The following ANAPC5 variants were observed in gnomAD, a reference collection of about 807,000 sequenced individuals.
The protein encoded by ANAPC5 is anaphase promoting complex subunit 5, also known as anaphase-promoting complex subunit 5.
In ANAPC5, 60 loss-of-function variants were observed where a neutral mutation model predicts 91.3. The observed-to-expected ratio is 0.66, with a 90% CI of 0.53 to 0.81. ANAPC5 has a LOEUF of 0.81. ANAPC5 is among the 40% of genes least tolerant of loss of function. The pLI is 0.00. For missense variants in ANAPC5, 690 were observed against 931.5 expected, an observed-to-expected ratio of 0.74 and a Z score of 3.37; for synonymous variants, 340 against 364.1, an observed-to-expected ratio of 0.93 and a Z score of 0.75.
In ANAPC5 at chr12:121,347,199, C is replaced by T; in HGVS notation, c.288-194G>A. 5.8e-6 allele frequency: 3 copies of T among 514,958 alleles called. No homozygotes were observed. In the South Asian group the frequency reaches 8.4e-5, roughly 14 times the overall value. 31.9% of individuals were successfully genotyped at this position (514,958 alleles called of 1,614,324 possible). A position where few individuals can be genotyped will look rare whatever the true frequency, so the allele number is the denominator to read the frequency against. On this transcript the variant is annotated intron_variant, in intron 2 of 16. Transcript: ENST00000261819. ...TTCTGAAAAGTATCATTGTTGTTTT[C>T]TTGATCATAAAATTTGTCAAACTAT...
chr12:121,339,369 AC>A (rs1555273837), intron 5 of ANAPC5, among the ~76,000 whole-genome samples: 1 of 152,020 alleles, frequency 6.6e-6, no homozygotes, highest in Non-Finnish European at 1.5e-5. Context: ...TGATTTCTAA[AC>A]CAAAACCAAA....
chr12:121,313,678 A>G (rs1902254347), intron 15 of ANAPC5, among the ~76,000 whole-genome samples: 1 of 152,216 alleles, frequency 6.6e-6, no homozygotes, highest in African/African-American at 2.4e-5. Flanking sequence ...TAGAAAGACC[A>G]AACTACTAAA....
At chr12:121,318,142 A>T (rs1902444901) in intron 15 of ANAPC5, 135 bp downstream of exon 15, 5 of 1,118,384 alleles carry the variant, frequency 4.5e-6, no homozygotes, top group Non-Finnish European at 4.7e-6. Context: ...GAGGGCTTGC[A>T]CAGGAAGACT....
chr12:121,318,879 G>T (rs1902479003), intron 13 of ANAPC5, among the ~76,000 whole-genome samples: 1 of 152,210 alleles, frequency 6.6e-6, no homozygotes, highest in Non-Finnish European at 1.5e-5. Context: ...AATTAGCTGG[G>T]CGTAGTGGTG....
upstream of ANAPC5, chr12:121,352,426 G>C (rs1593613353): frequency 1.8e-6 from 2 of 1,090,524 alleles, no homozygotes; most frequent in East Asian, 4.9e-5. Context: ...CTACATCTCC[G>C]CCCGCCCTCA....
At chr12:121,351,837 T>A (rs1184100555) in intron 1 of ANAPC5, among the ~76,000 whole-genome samples, 2 of 151,918 alleles carry the variant, frequency 1.3e-5, no homozygotes, top group African/African-American at 2.4e-5. Flanking sequence ...TCTCCAACGC[T>A]CTATTGTATA....
Position 121,327,171 on chromosome 12 carries a change from A to G in ANAPC5, c.1365T>C (p.Asn455=). 1.2e-6 allele frequency: 2 copies of G among 1,613,528 alleles called. No individual in the cohort carries two copies. The highest frequency in any genetic ancestry group is 1.7e-6 in the Non-Finnish European group (2 of 1,179,968). ...LLSMNSLEAV[N]AGVQQNNTES... is the part of the protein sequence containing the mutation. ...CTGTGTTGTTCTGCTGCACGCCCGC[A>G]TTCACCGCCTCCAGGCTGTTCATGC... Residue 455 remains asparagine (N), a synonymous_variant, in exon 11 of 17, where the codon AAT becomes AAC. Transcript: ENST00000261819.
At chr12:121,325,097 G>A (rs1447021174) in intron 11 of ANAPC5, among the ~76,000 whole-genome samples, 1 of 152,184 alleles carries the variant, frequency 6.6e-6, no homozygotes, top group Non-Finnish European at 1.5e-5. Flanking sequence ...CCAGAAGGTT[G>A]AGGCTGCAGT....
upstream of ANAPC5, among the ~76,000 whole-genome samples, chr12:121,352,939 TA>T (rs371062195): frequency 1.4e-4 from 21 of 152,314 alleles, no homozygotes; most frequent in East Asian, 2.9e-3. Flanking sequence ...ATAGAATGTT[TA>T]AATGATTGTG....
chr12:121,317,797 A>C (rs1025922370), intron 15 of ANAPC5: 3 of 152,424 alleles, frequency 2.0e-5, no homozygotes, highest in Non-Finnish European at 2.9e-5. Context: ...ATTTATTGAA[A>C]GCCTTCTATG....
chr12:121,320,736 G>A (rs1158452316), intron 11 of ANAPC5: 2 of 229,786 alleles, frequency 8.7e-6, no homozygotes, highest in African/African-American at 2.3e-5. Context: ...CTGAGTAGCT[G>A]GGACCACAGG....
intron 1 of ANAPC5, chr12:121,351,172 G>T: frequency 2.5e-6 from 1 of 407,784 alleles, no homozygotes. Context: ...GGAGTTCCCG[G>T]CCAGCCTGGG....
Position 121,327,116 on chromosome 12 carries a change from C to A in ANAPC5, c.1420G>T (p.Ala474Ser). Residue 474 changes from alanine (A) to serine (S), a missense_variant, in exon 11 of 17, where the codon GCA (alanine) becomes TCA (serine). Coordinates refer to ENST00000261819, the MANE Select transcript of ANAPC5 (RefSeq NM_016237.5). ...CCTACCTGCTCCGCGTGTAGCTCTG[C>A]GAGGTGGCAGAGTGCGACAGCAAAG... ...ESFAVALCHL[A>S]ELHAEQGCFA... 1 of 1,608,578 alleles carries A rather than the reference C, an allele frequency of 6.2e-7. No homozygotes were observed. The highest frequency in any genetic ancestry group is 1.1e-5 in the South Asian group (1 of 90,838).
intron 15 of ANAPC5, among the ~76,000 whole-genome samples, chr12:121,316,588 C>G (rs1017108460): frequency 6.6e-6 from 1 of 151,842 alleles, no homozygotes; most frequent in African/African-American, 2.4e-5. Flanking sequence ...AAAAAAATAG[C>G]TGGGCGTGGT....
chr12:121,349,313 C>T (rs1332792535), intron 1 of ANAPC5, among the ~76,000 whole-genome samples: 1 of 152,090 alleles, frequency 6.6e-6, no homozygotes, highest in African/African-American at 2.4e-5. Flanking sequence ...GTAATGCCAG[C>T]ACTTTGGGAA....
chr12:121,316,575 T>C (rs1349060948), intron 15 of ANAPC5, among the ~76,000 whole-genome samples: 1 of 150,836 alleles, frequency 6.6e-6, no homozygotes, highest in Non-Finnish European at 1.5e-5. Context: ...CTACTAAAAA[T>C]ACAAAAAAAT....
intron 16 of ANAPC5, among the ~76,000 whole-genome samples, chr12:121,309,476 G>A (rs575120387): frequency 1.2e-4 from 18 of 152,168 alleles, no homozygotes; most frequent in African/African-American, 2.9e-4. Context: ...TTCTAGCCTG[G>A]TACTTGGCTC....
At chr12:121,335,771 G>C (rs1903211331) in intron 6 of ANAPC5, 48 bp from the exon 7 acceptor site, 1 of 1,498,296 alleles carries the variant, frequency 6.7e-7, no homozygotes, top group Middle Eastern at 2.0e-4. Flanking sequence ...AAATATCTCT[G>C]GTGTAAGACA....
intron 7 of ANAPC5, chr12:121,333,810 AC>A (rs1593593321): frequency 6.6e-6 from 1 of 152,158 alleles, no homozygotes; most frequent in Non-Finnish European, 1.5e-5. Flanking sequence ...TTTTCACATG[AC>A]TTTTCACTAC....
Sources: gnomAD v4.1 joint callset for allele counts (sites outside exome capture counted in the v4.1 genomes callset) on GRCh38, gnomAD v4.1.1 for gene constraint, MANE v1.5 for transcripts, NCBI Gene and HGNC (gene_info 2026-07-23, HGNC 2026-07-21) for gene names.